Variants in MRC2 observed in about 807,000 individuals in gnomAD.
The protein encoded by MRC2 is mannose receptor C-type 2.
Under a neutral mutation model 206.2 loss-of-function variants are expected in MRC2, and 84 were observed. The observed-to-expected ratio is 0.41, with a 90% CI of 0.34 to 0.49. The LOEUF (loss-of-function observed/expected upper bound fraction) is 0.49. Among genes scored for constraint, MRC2 ranks in the 20% least tolerant of loss-of-function variants. MRC2 has a pLI of 0.31. For missense variants in MRC2, 1,676 were observed against 2,001.5 expected (o/e 0.84, Z 3.10); for synonymous variants, 798 against 800.0 (o/e 1.00, Z 0.04).
chr17:62,677,421 C>G lies in MRC2; in HGVS notation c.1987C>G (p.Pro663Ala). The G allele has an allele frequency of 6.2e-7, 1 of 1,611,936 alleles. No homozygotes were observed. The highest frequency in any genetic ancestry group is 8.5e-7 in the Non-Finnish European group (1 of 1,179,554). Residue 663 changes from proline (P) to alanine (A), a missense_variant, in exon 12 of 30, where the codon CCC becomes GCC. Around this residue, in one of 3 missense-constraint regions of MRC2, gnomAD observed 1,354 missense variants for 1,636.6 expected, o/e 0.83. Coordinates refer to ENST00000303375, the MANE Select transcript of MRC2 (RefSeq NM_006039.5). ...GGAGCTGCCGGGGCCAGATCCCACG[C>G]CCAGCCTCACTGGCTCCTGTCCCCA... ...TPELPGPDPT[P>A]SLTGSCPQGW...
chr17:62,678,500 G>A lies in MRC2; in HGVS notation c.2053-4G>A. 6.2e-7 allele frequency: 1 copy of A among 1,611,940 alleles called. No homozygotes were observed. The highest frequency in any genetic ancestry group is 8.5e-7 in the Non-Finnish European group (1 of 1,179,308). On this transcript the variant is annotated splice_region_variant and splice_polypyrimidine_tract_variant and intron_variant, in intron 12 of 29. Transcript: ENST00000303375. ...GCTTAGACAGCTGGACTCTGCCCCT[G>A]CAGGTGTTCAGCTCAGAGCGGCTGC...
At chr17:62,662,647 T>C (rs1252664726) in intron 1 of MRC2, among the ~76,000 whole-genome samples, 1 of 152,182 alleles carries the variant, frequency 6.6e-6, no homozygotes, top group Non-Finnish European at 1.5e-5. Flanking sequence ...CGGTGGCTCA[T>C]GCCTGTAATC....
chr17:62,687,107 C>G (rs2089041272), intron 20 of MRC2, among the ~76,000 whole-genome samples: 1 of 152,028 alleles, frequency 6.6e-6, no homozygotes. Flanking sequence ...TGACATCTCC[C>G]CCTTACCTGA....
At position 62,674,164 on chromosome 17, in the gene MRC2, C is replaced by T; in HGVS notation, c.1563C>T (p.Cys521=). Residue 521 remains cysteine, a synonymous_variant, in exon 9 of 30, where the codon TGC becomes TGT. Transcript: ENST00000303375. ...SQGAAEEDHG[C]RKGWTWHSPS... Reference sequence around the variant, plus strand: ...GGGCCGCCGAGGAGGACCATGGCTGCCGGAAGGTGAGGGTGTTTCTGGAGC... The same window carrying T: ...GGGCCGCCGAGGAGGACCATGGCTGTCGGAAGGTGAGGGTGTTTCTGGAGC... 1 of 1,547,598 alleles carries T rather than the reference C, an allele frequency of 6.5e-7. No individual in the cohort carries two copies. The highest frequency in any genetic ancestry group is 8.7e-7 in the Non-Finnish European group (1 of 1,145,270).
chr17:62,676,302 T>C (rs2088890977), intron 10 of MRC2, 81 bp from the exon 11 acceptor site: 4 of 1,558,780 alleles, frequency 2.6e-6, no homozygotes, highest in South Asian at 1.2e-5. Flanking sequence ...GCACCCGAGC[T>C]CCCACGGTAG....
intron 1 of MRC2, among the ~76,000 whole-genome samples, chr17:62,643,992 G>A (rs1007988098): frequency 6.6e-6 from 1 of 152,124 alleles, no homozygotes. Context: ...GTATATATAT[G>A]AATAGAAATA....
At chr17:62,663,518 G>A (rs1785407190) in intron 1 of MRC2, among the ~76,000 whole-genome samples, 1 of 152,050 alleles carries the variant, frequency 6.6e-6, no homozygotes, top group Non-Finnish European at 1.5e-5. Flanking sequence ...CCATTAATTT[G>A]CTTTCTGTCT....
At chr17:62,639,592 A>G (rs1362085119) in intron 1 of MRC2, among the ~76,000 whole-genome samples, 2 of 152,206 alleles carry the variant, frequency 1.3e-5, no homozygotes, top group Admixed American at 1.3e-4. Flanking sequence ...TTGGTAATTT[A>G]TAAGATATTA....
At chr17:62,683,756 C>T (rs1428151245) in intron 20 of MRC2, 2 of 151,094 alleles carry the variant, frequency 1.3e-5, no homozygotes, top group Non-Finnish European at 2.9e-5. Context: ...TCCAGCTACC[C>T]AGGAGGTGGG....
rs1001631368 is a variant in MRC2, at chr17:62,675,415, C to T, written c.1570-375C>T. On this transcript the variant is annotated intron_variant, in intron 9 of 29. Transcript: ENST00000303375. This position sits in a 1 kb window ranked among gnomAD's most constrained non-coding sequence, Gnocchi z 4.1. ...GCCCATCCCCTCTCCATCCTGGCAG[C>T]TCTCCCCAGCCTTTAGCTGTGGTTT... Among the ~76,000 whole-genome samples the T allele has an allele frequency of 1.3e-5, 2 of 152,332 alleles. No homozygotes were observed. Among genetic ancestry groups the T allele is most frequent in the South Asian group, 4.1e-4 (2 of 4,826 alleles).
chr17:62,661,569 C>A (rs1385689599), intron 1 of MRC2: 3 of 114,976 alleles, frequency 2.6e-5, no homozygotes, highest in African/African-American at 1.0e-4. Flanking sequence ...TTTCTCCTTC[C>A]TTCCTTCATT....
chr17:62,673,669 C>T (rs186851650), intron 8 of MRC2, among the ~76,000 whole-genome samples: 5 of 152,144 alleles, frequency 3.3e-5, no homozygotes, highest in Admixed American at 6.5e-5. Flanking sequence ...CCACCACAAC[C>T]GGCTAACTTT....
chr17:62,678,485 C>G lies in MRC2; in HGVS notation c.2053-19C>G. ...GGGCCAGTGGGGACAGCTTAGACAG[C>G]TGGACTCTGCCCCTGCAGGTGTTCA... On this transcript the variant is annotated intron_variant, in intron 12 of 29. Transcript: ENST00000303375. 1 of 1,610,924 alleles carries G rather than the reference C, an allele frequency of 6.2e-7. No individual in the cohort carries two copies. The highest frequency in any genetic ancestry group is 8.5e-7 in the Non-Finnish European group (1 of 1,179,042).
intron 20 of MRC2, 33 bp downstream of exon 20, chr17:62,682,410 C>T: frequency 1.9e-6 from 3 of 1,590,866 alleles, no homozygotes; most frequent in Non-Finnish European, 2.6e-6. Context: ...CCAAGGGAGT[C>T]AGGGGAGAGG....
intron 9 of MRC2, among the ~76,000 whole-genome samples, 187 bp downstream of exon 9, chr17:62,674,357 G>C (rs779400232): frequency 6.6e-6 from 1 of 152,146 alleles, no homozygotes; most frequent in African/African-American, 2.4e-5. Context: ...ACGGGTGGGC[G>C]CTGTTGGGAG....
At position 62,663,950 on chromosome 17, in the gene MRC2, T is replaced by C. The variant is rs113662557; in HGVS notation, c.119-598T>C. 1.8e-4 allele frequency among the ~76,000 whole-genome samples: 26 copies of C among 148,208 alleles called. 1 individual carries two copies. On this transcript the variant is annotated intron_variant, in intron 1 of 29. Transcript: ENST00000303375. Reference sequence around the variant, plus strand: ...ATACAGGTGATGTGCCGGGTGGAGTTGGGTTTGCTTTTTTTTTTTTTTTTT... The same window carrying C: ...ATACAGGTGATGTGCCGGGTGGAGTCGGGTTTGCTTTTTTTTTTTTTTTTT...
At chr17:62,631,876 C>A (rs1344744489) in intron 1 of MRC2, among the ~76,000 whole-genome samples, 6 of 152,162 alleles carry the variant, frequency 3.9e-5, no homozygotes, top group Admixed American at 2.0e-4. Context: ...TGGGTGTCTG[C>A]TGAGCTCCTG....
chr17:62,671,456 G>A lies in MRC2; in HGVS notation c.1118-193G>A, dbSNP rs1192287465. Among the ~76,000 whole-genome samples the A allele has an allele frequency of 1.3e-5, 2 of 152,202 alleles. No individual in the cohort carries two copies. The highest frequency in any genetic ancestry group is 2.9e-5 in the Non-Finnish European group (2 of 68,040). On this transcript the variant is annotated intron_variant, in intron 6 of 29. Coordinates refer to ENST00000303375, the MANE Select transcript of MRC2 (RefSeq NM_006039.5). The surrounding 1 kb of genome is among the most constrained non-coding windows in gnomAD (Gnocchi z 4.5). Reference sequence around the variant, plus strand: ...CACCACGACTTGGGTCTCTGTCCCGGGGCTCCAGCAGCCCTGTAAAGTTTT... The same window carrying A: ...CACCACGACTTGGGTCTCTGTCCCGAGGCTCCAGCAGCCCTGTAAAGTTTT...
At chr17:62,669,087 C>A (rs1036968263) in intron 6 of MRC2, among the ~76,000 whole-genome samples, 3 of 37,246 alleles carry the variant, frequency 8.1e-5, no homozygotes, top group African/African-American at 3.5e-4. Flanking sequence ...AATATGGCAA[C>A]ACACACACAC....
Sources: allele counts gnomAD v4.1 joint callset (sites outside exome capture counted in the v4.1 genomes callset), GRCh38; gene constraint gnomAD v4.1.1; regional missense constraint gnomAD v4.1.1; non-coding constraint Gnocchi (gnomAD v3.1); transcripts MANE v1.5; gene names NCBI Gene and HGNC (gene_info 2026-07-23, HGNC 2026-07-21).